The following IKZF2 variants were observed in gnomAD, a reference collection of about 807,000 sequenced individuals.
IKZF2 encodes the protein IKAROS family zinc finger 2, also known as zinc finger protein Helios.
In IKZF2, 15 loss-of-function variants were observed where a neutral mutation model predicts 49.2. The ratio of observed to expected loss-of-function variants is 0.30; its 90% CI spans 0.20 to 0.47. The LOEUF is 0.47. Among genes scored for constraint, IKZF2 ranks in the 20% least tolerant of loss-of-function variants. The probability of loss-of-function intolerance (pLI) is 1.00; values close to 1 mark genes in which losing one functional copy is unlikely to be tolerated. For missense variants in IKZF2, 567 were observed against 664.6 expected (o/e 0.85, Z 1.61); for synonymous variants, 227 against 221.4 (o/e 1.03, Z -0.23).
At chr2:213,122,794 C>G (rs1159232361) in intron 4 of IKZF2, among the ~76,000 whole-genome samples, 1 of 152,168 alleles carries the variant, frequency 6.6e-6, no homozygotes, top group Non-Finnish European at 1.5e-5. Flanking sequence ...AAAAGAAACT[C>G]CAATCCTTCA....
At chr2:213,106,073 T>C (rs1202522448) in intron 4 of IKZF2, among the ~76,000 whole-genome samples, 2 of 152,212 alleles carry the variant, frequency 1.3e-5, no homozygotes, top group African/African-American at 4.8e-5. Context: ...CATTTTTCAC[T>C]TTAAGATATA....
intron 4 of IKZF2, among the ~76,000 whole-genome samples, chr2:213,140,602 GA>G (rs1366158825): frequency 2.6e-5 from 4 of 151,790 alleles, no homozygotes; most frequent in African/African-American, 9.7e-5. Context: ...TTAATCTTAT[GA>G]TTTTTTTTAA....
chr2:213,057,567 T>C (rs1283030425), intron 4 of IKZF2, among the ~76,000 whole-genome samples: 1 of 152,158 alleles, frequency 6.6e-6, no homozygotes, highest in Non-Finnish European at 1.5e-5. Context: ...AACCTGCTTC[T>C]GAACAGGGCA....
At chr2:213,101,212 G>C (rs1253101532) in intron 4 of IKZF2, among the ~76,000 whole-genome samples, 3 of 151,620 alleles carry the variant, frequency 2.0e-5, no homozygotes, top group East Asian at 1.9e-4. Flanking sequence ...TTTCAAGCCT[G>C]CTTTAAAAAA....
rs143681244 is a variant in IKZF2 at position 213,130,008 on chromosome 2, G to A, written c.139+17700C>T. Among the ~76,000 whole-genome samples the A allele has an allele frequency of 6.5e-3, 990 of 152,248 alleles. 15 individuals are homozygous for A. The highest frequency in any genetic ancestry group is 0.023 in the African/African-American group (955 of 41,548). ...AGGACCTGTACATAAAGATATACAG[G>A]CTGCAAATAGATGAAGGTGAGTACC... On this transcript the variant is annotated intron_variant, in intron 4 of 8. Coordinates refer to ENST00000434687, the MANE Select transcript of IKZF2 (RefSeq NM_001387220.1).
In IKZF2 at chr2:213,021,982, T is replaced by C. The variant is rs892326227; in HGVS notation, c.712+11A>G. The C allele has an allele frequency of 6.2e-7, 1 of 1,601,228 alleles. No homozygotes were observed. Among genetic ancestry groups the C allele is most frequent in the Non-Finnish European group, 8.5e-7 (1 of 1,175,792 alleles). ...GGGGAAATAAAAATGATGAATCCAG[T>C]TTCTACCCACCATGGTGACTCATGA... On this transcript the variant is annotated intron_variant, in intron 7 of 8. Transcript: ENST00000434687.
intron 4 of IKZF2, among the ~76,000 whole-genome samples, chr2:213,089,546 A>C (rs1266450028): frequency 6.6e-6 from 1 of 152,210 alleles, no homozygotes; most frequent in Non-Finnish European, 1.5e-5. Flanking sequence ...CAAGTACACC[A>C]AATATGCAAA....
intron 6 of IKZF2, among the ~76,000 whole-genome samples, chr2:213,043,751 T>C (rs1402061240): frequency 6.6e-6 from 1 of 152,170 alleles, no homozygotes; most frequent in Non-Finnish European, 1.5e-5. Flanking sequence ...GAGAATCTAA[T>C]GCTGTCACTG....
chr2:213,119,990 C>A (rs913314895), intron 4 of IKZF2, among the ~76,000 whole-genome samples: 1 of 152,128 alleles, frequency 6.6e-6, no homozygotes, highest in African/African-American at 2.4e-5. Context: ...CCAGGTCTCT[C>A]CCTCTTTTCA....
intron 4 of IKZF2, among the ~76,000 whole-genome samples, chr2:213,130,914 G>A (rs760880937): frequency 6.6e-6 from 1 of 152,102 alleles, no homozygotes; most frequent in Non-Finnish European, 1.5e-5. Context: ...CTGTTACAAT[G>A]TAAACAAAGA....
intron 2 of IKZF2, 64 bp downstream of exon 2, chr2:213,150,080 A>G: frequency 1.0e-6 from 1 of 958,540 alleles, no homozygotes; most frequent in Non-Finnish European, 1.5e-6. Flanking sequence ...TGAAATGGTT[A>G]TTAACCCTCA....
chr2:213,044,948 T>A (rs1700015367), intron 6 of IKZF2, among the ~76,000 whole-genome samples: 1 of 152,028 alleles, frequency 6.6e-6, no homozygotes, highest in African/African-American at 2.4e-5. Flanking sequence ...CCTCAACAAC[T>A]TCATTGAGGT....
At chr2:213,100,533 C>T (rs1016531507) in intron 4 of IKZF2, among the ~76,000 whole-genome samples, 35 of 151,922 alleles carry the variant, frequency 2.3e-4, no homozygotes, top group Non-Finnish European at 4.6e-4. Context: ...GTGAAAGCCA[C>T]GTATTTAACA....
chr2:213,013,780 G>C lies in IKZF2; in HGVS notation c.856+11C>G. The C allele has an allele frequency of 6.2e-7, 1 of 1,602,528 alleles. No homozygotes were observed. Among genetic ancestry groups the C allele is most frequent in the South Asian group, 1.1e-5 (1 of 89,500 alleles). ...ACCTTGCAAAGAAACAAAAGCATTT[G>C]TAATGCTTACCCACAAACTTTTGTG... On this transcript the variant is annotated intron_variant, in intron 8 of 8. Coordinates refer to ENST00000434687, the MANE Select transcript of IKZF2 (RefSeq NM_001387220.1).
At chr2:213,080,476 C>T (rs946931950) in intron 4 of IKZF2, among the ~76,000 whole-genome samples, 4 of 152,070 alleles carry the variant, frequency 2.6e-5, no homozygotes, top group African/African-American at 9.7e-5. Context: ...AGTTATGAAA[C>T]TGCAACTATT....
At chr2:213,062,664 G>C (rs1159476409) in intron 4 of IKZF2, among the ~76,000 whole-genome samples, 1 of 151,904 alleles carries the variant, frequency 6.6e-6, no homozygotes, top group Non-Finnish European at 1.5e-5. Context: ...GGCAATTCAA[G>C]TGGGCACTTA....
intron 4 of IKZF2, among the ~76,000 whole-genome samples, chr2:213,113,832 A>C (rs544015017): frequency 6.6e-6 from 1 of 152,292 alleles, no homozygotes; most frequent in East Asian, 1.9e-4. Flanking sequence ...TAAAGTTGGC[A>C]TCTATTGAGC....
chr2:213,111,865 T>C (rs529214096), intron 4 of IKZF2, among the ~76,000 whole-genome samples: 5 of 152,222 alleles, frequency 3.3e-5, no homozygotes, highest in Admixed American at 6.5e-5. Flanking sequence ...GATTTCCTAT[T>C]ATTGATCCAT....
intron 4 of IKZF2, among the ~76,000 whole-genome samples, chr2:213,127,270 G>C (rs1364299458): frequency 6.6e-6 from 1 of 152,134 alleles, no homozygotes; most frequent in Non-Finnish European, 1.5e-5. Flanking sequence ...AAGGGGTCAA[G>C]GGCAAACAGT....
Sources: gnomAD v4.1 joint callset for allele counts (sites outside exome capture counted in the v4.1 genomes callset) on GRCh38, gnomAD v4.1.1 for gene constraint, MANE v1.5 for transcripts, NCBI Gene and HGNC (gene_info 2026-07-23, HGNC 2026-07-21) for gene names.